RASAL2: variants seen among roughly 807,000 people sequenced by gnomAD.
RASAL2 encodes RAS protein activator like 2, also known as ras GTPase-activating protein nGAP.
A neutral mutation model predicts 128.9 loss-of-function variants in RASAL2; 58 were observed. The ratio of observed to expected loss-of-function variants is 0.45; its 90% CI spans 0.36 to 0.56. RASAL2 has a LOEUF of 0.56. RASAL2 is among the 20% of genes least tolerant of loss of function. RASAL2 has a pLI of 0.00. For missense variants in RASAL2, 1,360 were observed against 1,601.6 expected, an observed-to-expected ratio of 0.85 and a Z score of 2.57; for synonymous variants, 561 against 580.8, an observed-to-expected ratio of 0.97 and a Z score of 0.49.
Position 178,256,754 on chromosome 1 carries a change from A to G in RASAL2, c.203-26810A>G, listed in dbSNP as rs947032378. On this transcript the variant is annotated intron_variant, in intron 1 of 17. Coordinates refer to ENST00000367649, the MANE Select transcript of RASAL2 (RefSeq NM_170692.4). ...TGTGGCATGATCTCGGCTCATTGCA[A>G]CCTCCGCCTCCTGGGTTCAAGCAAT... Among the ~76,000 whole-genome samples the G allele has an allele frequency of 2.0e-5, 3 of 151,940 alleles. No homozygotes were observed. The East Asian group carries it at 5.8e-4, about 29-fold the overall frequency.
At chr1:178,305,625 T>A (rs1422985337) in intron 3 of RASAL2, among the ~76,000 whole-genome samples, 1 of 152,118 alleles carries the variant, frequency 6.6e-6, no homozygotes, top group African/African-American at 2.4e-5. Flanking sequence ...TGGGAGAAAC[T>A]AGTTTGAAAG....
chr1:178,320,426 T>C (rs1668706905), intron 3 of RASAL2, among the ~76,000 whole-genome samples: 1 of 152,178 alleles, frequency 6.6e-6, no homozygotes, highest in South Asian at 2.1e-4. Context: ...CTCAGACTGC[T>C]GTGCTAGCAA....
At chr1:178,176,993 G>T (rs2101921630) in intron 1 of RASAL2, among the ~76,000 whole-genome samples, 1 of 152,098 alleles carries the variant, frequency 6.6e-6, no homozygotes, top group East Asian at 1.9e-4. Context: ...TCTATTTCAG[G>T]GATTCTTTAT....
intron 2 of RASAL2, among the ~76,000 whole-genome samples, chr1:178,298,122 T>C (rs1667600616): frequency 6.6e-6 from 1 of 152,224 alleles, no homozygotes; most frequent in South Asian, 2.1e-4. Context: ...TTAAGGCAGA[T>C]ACAGGATATG....
At chr1:178,174,125 C>T (rs888672445) in intron 1 of RASAL2, among the ~76,000 whole-genome samples, 11 of 151,938 alleles carry the variant, frequency 7.2e-5, no homozygotes, top group African/African-American at 2.7e-4. Flanking sequence ...ATTTTGTCCC[C>T]TAATAATTTA....
At chr1:178,268,241 G>A (rs1398735018) in intron 1 of RASAL2, among the ~76,000 whole-genome samples, 4 of 152,016 alleles carry the variant, frequency 2.6e-5, no homozygotes, top group Admixed American at 6.5e-5. Flanking sequence ...AGGCCGAGGC[G>A]GGTGGATCAC....
chr1:178,334,052 C>T (rs980413061), intron 3 of RASAL2, among the ~76,000 whole-genome samples: 10 of 152,246 alleles, frequency 6.6e-5, no homozygotes, highest in South Asian at 4.1e-4. Context: ...TGGAATTGAT[C>T]ATGAATTGAT....
At chr1:178,387,529 C>G (rs1045225909) in intron 3 of RASAL2, among the ~76,000 whole-genome samples, 2 of 152,010 alleles carry the variant, frequency 1.3e-5, no homozygotes, top group South Asian at 4.2e-4. Context: ...CCCCCCTCCC[C>G]CTACCCCACA....
In RASAL2 at chr1:178,382,172, C is replaced by T. The variant is rs75492095; in HGVS notation, c.458-7928C>T. On this transcript the variant is annotated intron_variant, in intron 3 of 17. Transcript: ENST00000367649. ...AAGACATGGTTTATTTTGGAGGGCT[C>T]TTGTCACTTTTTTGTTCAAGGGATC... 1.7e-3 allele frequency among the ~76,000 whole-genome samples: 265 copies of T among 152,214 alleles called. 2 individuals are homozygous for T. The highest frequency in any genetic ancestry group is 6.1e-3 in the African/African-American group (254 of 41,556).
At position 178,268,732 on chromosome 1, in the gene RASAL2, G is replaced by A. The variant is rs538042266; in HGVS notation, c.203-14832G>A. On this transcript the variant is annotated intron_variant, in intron 1 of 17. Coordinates refer to ENST00000367649, the MANE Select transcript of RASAL2 (RefSeq NM_170692.4). ...CCTTAGCCTCCTGAGTAGCTAGGAC[G>A]ACAGGCATGCACCACGGCTCCTGGC... 9.9e-5 allele frequency among the ~76,000 whole-genome samples: 15 copies of A among 152,214 alleles called. No homozygotes were observed. In the East Asian group the frequency reaches 1.5e-3, roughly 16 times the overall value.
chr1:178,366,357 G>A (rs1671397520), intron 3 of RASAL2, among the ~76,000 whole-genome samples: 1 of 152,060 alleles, frequency 6.6e-6, no homozygotes, highest in African/African-American at 2.4e-5. Flanking sequence ...TATCAGTTTA[G>A]GAAAAGATCA....
At chr1:178,332,111 G>T (rs898583353) in intron 3 of RASAL2, among the ~76,000 whole-genome samples, 5 of 152,188 alleles carry the variant, frequency 3.3e-5, no homozygotes, top group South Asian at 2.1e-4. Flanking sequence ...TTTGGATTAT[G>T]ATTTTAATTA....
chr1:178,194,252 G>T, intron 1 of RASAL2: 1 of 191,844 alleles, frequency 5.2e-6, no homozygotes, highest in Non-Finnish European at 1.1e-5. Context: ...AAGTATAAAT[G>T]CAGCTATTAT....
chr1:178,412,634 T>TA (rs1674468480), intron 4 of RASAL2, among the ~76,000 whole-genome samples: 1 of 152,240 alleles, frequency 6.6e-6, no homozygotes, highest in Non-Finnish European at 1.5e-5. Flanking sequence ...ATCAAGGACT[T>TA]ACTAAAGTTT....
intron 3 of RASAL2, among the ~76,000 whole-genome samples, chr1:178,378,607 TAA>T (rs1433081774): frequency 6.6e-6 from 1 of 152,162 alleles, no homozygotes; most frequent in Non-Finnish European, 1.5e-5. Context: ...ACAGTTGAAC[TAA>T]GTTAGAAATT....
chr1:178,406,902 ATG>A (rs774671403), intron 4 of RASAL2, among the ~76,000 whole-genome samples: 2 of 152,026 alleles, frequency 1.3e-5, no homozygotes, highest in East Asian at 1.9e-4. Context: ...ATTAATGGAT[ATG>A]TGTTTATTAA....
intron 3 of RASAL2, among the ~76,000 whole-genome samples, chr1:178,309,871 A>G (rs190644766): frequency 1.1e-4 from 16 of 151,930 alleles, no homozygotes; most frequent in African/African-American, 3.4e-4. Flanking sequence ...TGATAGAAGG[A>G]GGGTTATTTA....
At chr1:178,305,965 A>T (rs981866840) in intron 3 of RASAL2, among the ~76,000 whole-genome samples, 2 of 152,248 alleles carry the variant, frequency 1.3e-5, no homozygotes, top group Non-Finnish European at 1.5e-5. Flanking sequence ...AAATTGAGAC[A>T]AATGTGTATG....
At chr1:178,270,627 C>CTTTTTTTTTTTTTTTTTTTTT (rs34462041) in intron 1 of RASAL2, among the ~76,000 whole-genome samples, 1 of 138,440 alleles carries the variant, frequency 7.2e-6, no homozygotes, top group Admixed American at 7.1e-5. Flanking sequence ...CTGTGTCTCT[C>CTTTTTTTTTTTTTTTTTTTTT]TTTTTTTTTT....
Sources: gnomAD v4.1 joint callset for allele counts (sites outside exome capture counted in the v4.1 genomes callset) on GRCh38, gnomAD v4.1.1 for gene constraint, MANE v1.5 for transcripts, NCBI Gene and HGNC (gene_info 2026-07-23, HGNC 2026-07-21) for gene names.